The following PTPRQ variants were observed in gnomAD, a reference collection of about 807,000 sequenced individuals.
PTPRQ encodes phosphatidylinositol phosphatase PTPRQ.
A neutral mutation model predicts 246.0 loss-of-function variants in PTPRQ; 199 were observed. That is an observed-to-expected ratio of 0.81 (90% CI 0.72 to 0.91). The LOEUF (loss-of-function observed/expected upper bound fraction) is 0.91. Ranked by LOEUF, PTPRQ falls within the 40% of genes least tolerant of loss-of-function variation. PTPRQ has a pLI of 0.00. For missense variants in PTPRQ, 2,624 were observed against 2,528.4 expected, an observed-to-expected ratio of 1.04 and a Z score of -0.81; for synonymous variants, 869 against 853.2, an observed-to-expected ratio of 1.02 and a Z score of -0.32.
intron 17 of PTPRQ, among the ~76,000 whole-genome samples, chr12:80,522,871 G>A (rs1202518607): frequency 2.6e-5 from 4 of 152,144 alleles, no homozygotes; most frequent in East Asian, 1.9e-4. Context: ...GATGATGCTG[G>A]CATCATAAAA....
chr12:80,602,074 T>C (rs1198681119), intron 26 of PTPRQ, among the ~76,000 whole-genome samples: 2 of 151,738 alleles, frequency 1.3e-5, no homozygotes, highest in East Asian at 3.9e-4. Flanking sequence ...TTCTTGGCAA[T>C]GTAAAACTGG....
At chr12:80,493,550 T>C in intron 10 of PTPRQ, 95 bp downstream of exon 10, 1 of 1,399,142 alleles carries the variant, frequency 7.1e-7, no homozygotes, top group East Asian at 2.6e-5. Context: ...GCCATATTAT[T>C]AATGGTCTTT....
intron 25 of PTPRQ, among the ~76,000 whole-genome samples, chr12:80,570,022 GA>G (rs1367363024): frequency 1.3e-5 from 2 of 152,126 alleles, no homozygotes; most frequent in Non-Finnish European, 2.9e-5. Flanking sequence ...TTGCTATTGT[GA>G]ATAGTGCTGC....
intron 5 of PTPRQ, among the ~76,000 whole-genome samples, 195 bp from the exon 6 acceptor site, chr12:80,460,458 A>G (rs536269790): frequency 1.3e-5 from 2 of 152,356 alleles, no homozygotes; most frequent in Admixed American, 1.3e-4. Flanking sequence ...TATAAGGAAT[A>G]CAATAAATAT....
At chr12:80,512,330 T>G (rs1420197574) in intron 17 of PTPRQ, among the ~76,000 whole-genome samples, 4 of 152,216 alleles carry the variant, frequency 2.6e-5, no homozygotes, top group Non-Finnish European at 4.4e-5. Flanking sequence ...TCTAGCATAA[T>G]GCATAACACA....
chr12:80,528,381 C>T (rs1208311644), intron 17 of PTPRQ, among the ~76,000 whole-genome samples: 2 of 152,112 alleles, frequency 1.3e-5, no homozygotes, highest in Non-Finnish European at 2.9e-5. Flanking sequence ...TTGTCACCTT[C>T]ATATTTCCAT....
intron 25 of PTPRQ, among the ~76,000 whole-genome samples, chr12:80,560,433 T>C (rs987428314): frequency 6.6e-6 from 1 of 152,354 alleles, no homozygotes; most frequent in East Asian, 1.9e-4. Flanking sequence ...CTACCCATAC[T>C]AACTTATGAT....
rs1209318209 is a variant in PTPRQ at position 80,542,819 on chromosome 12, G to C, written c.3811G>C (p.Gly1271Arg). The C allele has an allele frequency of 1.2e-5, 18 of 1,547,388 alleles. No individual in the cohort carries two copies. Among genetic ancestry groups the C allele is most frequent in the Non-Finnish European group, 9.6e-6 (11 of 1,145,126 alleles). Reference sequence around the variant, plus strand: ...ATGGAGCCCAAGTCCTCTTCCAGGTGGTATTGTTAAAGTATATAGTTTTAA... The same window carrying C: ...ATGGAGCCCAAGTCCTCTTCCAGGTCGTATTGTTAAAGTATATAGTTTTAA... ...LKWSPSPLPG[G>R]IVKVYSFKIH... Residue 1271 changes from glycine to arginine, a missense_variant, in exon 23 of 45, where the codon GGT (glycine) becomes CGT (arginine). By Grantham distance (125) the Gly-to-Arg change is moderately radical. Transcript: ENST00000644991.
intron 33 of PTPRQ, among the ~76,000 whole-genome samples, chr12:80,628,506 CAATTAT>C (rs1899292474): frequency 6.6e-6 from 1 of 152,108 alleles, no homozygotes; most frequent in Admixed American, 6.6e-5. Context: ...AAATTGATTA[CAATTAT>C]AATTAGTAGT....
At chr12:80,649,127 A>G (rs1350556342) in intron 36 of PTPRQ, among the ~76,000 whole-genome samples, 1 of 152,070 alleles carries the variant, frequency 6.6e-6, no homozygotes, top group African/African-American at 2.4e-5. Flanking sequence ...GCATGTCTGT[A>G]TTTTAGCTTG....
At chr12:80,487,967 T>G (rs1284087509) in intron 9 of PTPRQ, among the ~76,000 whole-genome samples, 2 of 152,062 alleles carry the variant, frequency 1.3e-5, no homozygotes, top group Non-Finnish European at 2.9e-5. Flanking sequence ...TCTGGAGGCT[T>G]GACTAGGGAA....
intron 3 of PTPRQ, among the ~76,000 whole-genome samples, chr12:80,448,989 C>T (rs1247910406): frequency 6.6e-6 from 1 of 151,460 alleles, no homozygotes. Context: ...ACAGTCCCAC[C>T]AACAGTGTAA....
chr12:80,627,088 A>G (rs1899228860), intron 33 of PTPRQ, among the ~76,000 whole-genome samples: 1 of 151,928 alleles, frequency 6.6e-6, no homozygotes, highest in Non-Finnish European at 1.5e-5. Flanking sequence ...TTATACACGT[A>G]TATATTTATG....
chr12:80,518,678 T>A (rs1169586877), intron 17 of PTPRQ, among the ~76,000 whole-genome samples: 2 of 152,190 alleles, frequency 1.3e-5, no homozygotes. Flanking sequence ...GAGGTCAAGT[T>A]TCATTCTTCT....
Position 80,652,535 on chromosome 12 carries a change from A to T in PTPRQ, c.6025-209A>T, listed in dbSNP as rs571127602. ...AAGAAATTATCTCCGAAAGAGCAAA[A>T]CCCAGCTGACCAACTTTATTCAGGA... On this transcript the variant is annotated intron_variant, in intron 37 of 44. Coordinates refer to ENST00000644991, the MANE Select transcript of PTPRQ (RefSeq NM_001145026.2). Among the ~76,000 whole-genome samples the T allele has an allele frequency of 2.0e-5, 3 of 152,142 alleles. No homozygotes were observed. The South Asian group carries it at 6.2e-4, about 32-fold the overall frequency.
chr12:80,674,154 A>T (rs1197162567), intron 43 of PTPRQ, among the ~76,000 whole-genome samples: 1 of 152,068 alleles, frequency 6.6e-6, no homozygotes, highest in Non-Finnish European at 1.5e-5. Flanking sequence ...CAATATTCCT[A>T]TCTGTAGCTT....
chr12:80,445,636 A>C lies in PTPRQ; in HGVS notation c.309A>C (p.Val103=). The C allele has an allele frequency of 6.5e-7, 1 of 1,550,266 alleles. No homozygotes were observed. The highest frequency in any genetic ancestry group is 1.2e-5 in the South Asian group (1 of 84,028). Residue 103 remains valine (V), a synonymous_variant, in exon 3 of 45, where the codon GTA becomes GTC. Transcript: ENST00000644991. The part of the protein sequence containing the change: ...YKEVCPWMQT[V]YTQVRSKPDS... ...AAGTTTGTCCGTGGATGCAAACAGTATATACACAAGTCAGATCAAAGCCAG... is the reference window on the plus strand; with the variant it reads ...AAGTTTGTCCGTGGATGCAAACAGTCTATACACAAGTCAGATCAAAGCCAG...
intron 39 of PTPRQ, among the ~76,000 whole-genome samples, chr12:80,660,371 C>T (rs903821307): frequency 2.0e-5 from 3 of 151,910 alleles, no homozygotes; most frequent in East Asian, 1.9e-4. Context: ...TTTCCTCTGC[C>T]GTTGGCCATT....
intron 14 of PTPRQ, among the ~76,000 whole-genome samples, chr12:80,504,239 A>T (rs1894887634): frequency 6.6e-6 from 1 of 151,648 alleles, no homozygotes; most frequent in Non-Finnish European, 1.5e-5. Context: ...CTTCAATACT[A>T]TCATCCTTTT....
Sources: allele counts gnomAD v4.1 joint callset (sites outside exome capture counted in the v4.1 genomes callset), GRCh38; gene constraint gnomAD v4.1.1; transcripts MANE v1.5; gene names NCBI Gene and HGNC (gene_info 2026-07-23, HGNC 2026-07-21).